ABCC4: variants seen among roughly 807,000 people sequenced by gnomAD.
The protein encoded by ABCC4 is ATP-binding cassette sub-family C member 4.
A neutral mutation model predicts 168.5 loss-of-function variants in ABCC4; 102 were observed. The observed-to-expected ratio is 0.61, with a 90% CI of 0.52 to 0.71. ABCC4 has a LOEUF of 0.71. Among genes scored for constraint, ABCC4 ranks in the 30% least tolerant of loss-of-function variants. The pLI is 0.00. For synonymous variants in ABCC4, 617 were observed against 590.7 expected, an observed-to-expected ratio of 1.04 and a Z score of -0.65; for missense variants, 1,402 against 1,605.8, an observed-to-expected ratio of 0.87 and a Z score of 2.17.
intron 3 of ABCC4, among the ~76,000 whole-genome samples, chr13:95,236,474 A>G (rs369212045): frequency 6.6e-6 from 1 of 152,176 alleles, no homozygotes. Context: ...AACAAAATTA[A>G]CACACACTTT....
intron 29 of ABCC4, among the ~76,000 whole-genome samples, chr13:95,037,496 A>C (rs2139228941): frequency 6.6e-6 from 1 of 152,386 alleles, no homozygotes; most frequent in South Asian, 2.1e-4. Context: ...CCAGAGATAA[A>C]GATGGAAGTG....
chr13:95,052,622 C>T (rs921235726), intron 27 of ABCC4, among the ~76,000 whole-genome samples: 68 of 152,166 alleles, frequency 4.5e-4, no homozygotes, highest in African/African-American at 1.3e-3. Flanking sequence ...TAATTATTAT[C>T]CCATTCCAAC....
At chr13:95,276,143 A>G (rs961837800) in intron 1 of ABCC4, among the ~76,000 whole-genome samples, 4 of 152,186 alleles carry the variant, frequency 2.6e-5, no homozygotes, top group Non-Finnish European at 4.4e-5. Context: ...GCTGAGCACA[A>G]TGGTTCATGC....
chr13:95,227,607 A>C (rs772589609), intron 4 of ABCC4, among the ~76,000 whole-genome samples: 9 of 152,250 alleles, frequency 5.9e-5, no homozygotes, highest in Non-Finnish European at 1.2e-4. Flanking sequence ...GCTCTCTACG[A>C]ATCTTCAGAA....
chr13:95,038,374 C>CAAAAAAA (rs74617293), intron 29 of ABCC4, among the ~76,000 whole-genome samples: 4 of 97,600 alleles, frequency 4.1e-5, no homozygotes, highest in Non-Finnish European at 5.7e-5. Flanking sequence ...AGCCCATACT[C>CAAAAAAA]AAAAAAAAAA....
chr13:95,043,900 A>T lies in ABCC4; in HGVS notation c.3630-113T>A, dbSNP rs567449990. On this transcript the variant is annotated intron_variant, in intron 28 of 30. Coordinates refer to ENST00000645237, the MANE Select transcript of ABCC4 (RefSeq NM_005845.5). ...AAAAAAAAAAGATCATATCTATTTA[A>T]TGTTTTAAAAATCATGTTAAAATGT... 5.6e-5 allele frequency: 38 copies of T among 678,670 alleles called. No homozygotes were observed. In the African/African-American group the frequency reaches 6.5e-4, roughly 12 times the overall value. 42.0% of individuals were successfully genotyped at this position (678,670 alleles called of 1,614,324 possible).
intron 19 of ABCC4, among the ~76,000 whole-genome samples, chr13:95,158,576 G>A (rs8001496): frequency 0.044 from 6,700 of 152,146 alleles, 208 homozygotes; most frequent in Middle Eastern, 0.13. Context: ...AAACTCCCCC[G>A]GGGCTCTTCT....
intron 19 of ABCC4, among the ~76,000 whole-genome samples, chr13:95,121,431 G>GT (rs567192252): frequency 0.23 from 31,895 of 138,312 alleles, 3,760 homozygotes; most frequent in Middle Eastern, 0.32. Flanking sequence ...GTTTTTTTTT[G>GT]TTTTTTTTTT....
At chr13:95,203,026 C>T (rs901778214) in intron 8 of ABCC4, among the ~76,000 whole-genome samples, 15 of 152,178 alleles carry the variant, frequency 9.9e-5, no homozygotes, top group East Asian at 9.7e-4. Context: ...ACTGTTAAAA[C>T]GTGGAGGTGC....
intron 1 of ABCC4, among the ~76,000 whole-genome samples, chr13:95,274,651 G>T (rs1214559314): frequency 1.3e-5 from 2 of 152,186 alleles, no homozygotes; most frequent in East Asian, 1.9e-4. Flanking sequence ...CAAGACTGAT[G>T]CTTCCCCATG....
chr13:95,077,529 G>A (rs184353470), intron 21 of ABCC4, among the ~76,000 whole-genome samples: 1 of 151,920 alleles, frequency 6.6e-6, no homozygotes, highest in Non-Finnish European at 1.5e-5. Flanking sequence ...GTAGACACTG[G>A]GTTTCGTCAC....
rs1185465610 is a variant in ABCC4, at chr13:95,177,724, G to A, written c.1710C>T (p.Ser570=). The A allele has an allele frequency of 1.1e-5, 17 of 1,610,314 alleles. No homozygotes were observed. The highest frequency in any genetic ancestry group is 1.4e-5 in the Non-Finnish European group (17 of 1,177,068). ...DPLSAVDAEV[S]RHLFELCICQ... ...ACACTCACAGTTCGAACAAGTGTCT[G>A]CTAACTTCCGCATCTACTGCACTGA... is the stretch of plus-strand genomic sequence containing the variant. Residue 570 remains serine, a synonymous_variant, in exon 13 of 31, where the codon AGC becomes AGT. Transcript: ENST00000645237.
intron 14 of ABCC4, 125 bp from the exon 15 acceptor site, chr13:95,166,492 G>A (rs1017413716): frequency 2.5e-6 from 2 of 790,722 alleles, no homozygotes; most frequent in African/African-American, 1.7e-5. Context: ...CGGAATCCTA[G>A]TTGACAAATC....
intron 19 of ABCC4, among the ~76,000 whole-genome samples, chr13:95,125,509 C>T (rs1459862694): frequency 6.7e-6 from 1 of 149,096 alleles, no homozygotes; most frequent in East Asian, 2.0e-4. Context: ...TTACAGGAGG[C>T]CATAACTTGT....
intron 2 of ABCC4, 132 bp downstream of exon 2, chr13:95,247,511 C>A: frequency 1.5e-6 from 1 of 675,022 alleles, no homozygotes; most frequent in Non-Finnish European, 2.5e-6. Context: ...CTAGGGGCAG[C>A]CTGAGGAAGG....
intron 1 of ABCC4, among the ~76,000 whole-genome samples, chr13:95,266,422 A>AT (rs1324536424): frequency 6.6e-6 from 1 of 152,104 alleles, no homozygotes; most frequent in African/African-American, 2.4e-5. Context: ...CACAGCCTGG[A>AT]TTTTTTACCT....
chr13:95,145,006 G>A (rs535023339), intron 19 of ABCC4, among the ~76,000 whole-genome samples: 1 of 151,748 alleles, frequency 6.6e-6, no homozygotes, highest in African/African-American at 2.4e-5. Context: ...AAAAAAAATG[G>A]GCAAAGGACA....
chr13:95,182,342 GCC>G (rs2037924805), intron 11 of ABCC4, among the ~76,000 whole-genome samples: 1 of 36,344 alleles, frequency 2.8e-5, no homozygotes, highest in African/African-American at 1.5e-4. Flanking sequence ...TCAATTCCAT[GCC>G]TTTTTGGATA....
chr13:95,177,312 A>G (rs144437528), intron 13 of ABCC4, among the ~76,000 whole-genome samples: 4 of 152,316 alleles, frequency 2.6e-5, no homozygotes, highest in East Asian at 3.9e-4. Context: ...AAGAGCTGAA[A>G]GACAAGGCTC....
Sources: gnomAD v4.1 joint callset for allele counts (sites outside exome capture counted in the v4.1 genomes callset) on GRCh38, gnomAD v4.1.1 for gene constraint, MANE v1.5 for transcripts, NCBI Gene and HGNC (gene_info 2026-07-23, HGNC 2026-07-21) for gene names.